CADPS2: variants seen among roughly 807,000 people sequenced by gnomAD.
CADPS2 encodes calcium-dependent secretion activator 2.
In CADPS2, 93 loss-of-function variants were observed where a neutral mutation model predicts 172.5. The observed-to-expected ratio is 0.54, with a 90% confidence interval of 0.46 to 0.64. The LOEUF (loss-of-function observed/expected upper bound fraction) is 0.64, where lower values mean the gene tolerates loss of function less well. CADPS2 is among the 30% of genes least tolerant of loss of function. The pLI, the probability that CADPS2 is intolerant of heterozygous loss-of-function variation, is 0.00. For missense variants in CADPS2, 1,420 were observed against 1,565.9 expected (o/e 0.91, Z 1.57); for synonymous variants, 546 against 555.2 (o/e 0.98, Z 0.23).
chr7:122,396,663 C>T (rs190708392), intron 20 of CADPS2, among the ~76,000 whole-genome samples: 98 of 152,278 alleles, frequency 6.4e-4, no homozygotes, highest in African/African-American at 2.2e-3. Context: ...TCAATATACA[C>T]CTGCTCCTCA....
At chr7:122,664,946 T>G (rs1317914760) in intron 2 of CADPS2, among the ~76,000 whole-genome samples, 1 of 141,610 alleles carries the variant, frequency 7.1e-6, no homozygotes, top group African/African-American at 2.6e-5. Context: ...CCATCATGCC[T>G]GGGCTAGTTT....
At chr7:122,725,820 G>A (rs759737594) in intron 2 of CADPS2, among the ~76,000 whole-genome samples, 2 of 151,626 alleles carry the variant, frequency 1.3e-5, no homozygotes, top group South Asian at 2.1e-4. Context: ...TACAAATGCC[G>A]GGAATATACT....
chr7:122,673,966 A>T (rs1420766404), intron 2 of CADPS2, among the ~76,000 whole-genome samples: 2 of 148,522 alleles, frequency 1.3e-5, no homozygotes, highest in South Asian at 2.1e-4. Flanking sequence ...CAGGTCCCCA[A>T]CCCTGAGCGG....
chr7:122,587,982 C>T (rs1364186732), intron 6 of CADPS2, among the ~76,000 whole-genome samples: 1 of 151,926 alleles, frequency 6.6e-6, no homozygotes, highest in African/African-American at 2.4e-5. Context: ...GAGCTTTTCT[C>T]ATGTTTGTTG....
At chr7:122,511,164 T>G (rs1056152992) in intron 9 of CADPS2, among the ~76,000 whole-genome samples, 1 of 152,158 alleles carries the variant, frequency 6.6e-6, no homozygotes, top group African/African-American at 2.4e-5. Context: ...AGATATCCCT[T>G]TTAAGATATA....
chr7:122,428,061 A>C (rs1472865188), intron 17 of CADPS2, among the ~76,000 whole-genome samples: 1 of 151,962 alleles, frequency 6.6e-6, no homozygotes, highest in Non-Finnish European at 1.5e-5. Context: ...ATTTTTGTTA[A>C]TATTTTTTAG....
intron 17 of CADPS2, among the ~76,000 whole-genome samples, chr7:122,429,665 C>T (rs1290086988): frequency 6.6e-6 from 1 of 152,098 alleles, no homozygotes; most frequent in African/African-American, 2.4e-5. Context: ...ATACAAATTA[C>T]TTTTTGCCAT....
At chr7:122,741,257 T>G (rs900487368) in intron 1 of CADPS2, among the ~76,000 whole-genome samples, 2 of 152,076 alleles carry the variant, frequency 1.3e-5, no homozygotes, top group Admixed American at 1.3e-4. Context: ...ACCACTCACA[T>G]AGAAAATGGA....
At position 122,380,743 on chromosome 7, in the gene CADPS2, G is replaced by A. The variant is rs529978759; in HGVS notation, c.3313-1301C>T. The stretch of plus-strand genomic sequence containing the variant: ...GTGATCTAAAATTAACCACACTGAT[G>A]TGAATGTGGAATTTTCTGGGCACAT... On this transcript the variant is annotated intron_variant, in intron 24 of 29. Transcript: ENST00000449022. Among the ~76,000 whole-genome samples the A allele has an allele frequency of 2.0e-5, 3 of 152,178 alleles. No homozygotes were observed. The South Asian group carries it at 6.2e-4, about 32-fold the overall frequency.
At chr7:122,397,675 C>G (rs1339507512) in intron 20 of CADPS2, among the ~76,000 whole-genome samples, 1 of 152,108 alleles carries the variant, frequency 6.6e-6, no homozygotes, top group Non-Finnish European at 1.5e-5. Flanking sequence ...TAATATGTAG[C>G]CTGAGGCATC....
chr7:122,840,891 T>C (rs1169295865), intron 1 of CADPS2, among the ~76,000 whole-genome samples: 1 of 152,098 alleles, frequency 6.6e-6, no homozygotes, highest in African/African-American at 2.4e-5. Context: ...GCCATGTACA[T>C]AATAAAAAAT....
intron 2 of CADPS2, among the ~76,000 whole-genome samples, chr7:122,691,433 A>G (rs143094724): frequency 7.4e-4 from 112 of 152,314 alleles, no homozygotes; most frequent in African/African-American, 2.7e-3. Context: ...TTGTGGTCAC[A>G]TGCACATTCA....
intron 6 of CADPS2, among the ~76,000 whole-genome samples, chr7:122,607,298 A>C (rs1483844846): frequency 6.6e-6 from 1 of 152,144 alleles, no homozygotes; most frequent in African/African-American, 2.4e-5. Flanking sequence ...ATAACCAGAA[A>C]AGGTATGGTA....
chr7:122,734,499 A>G (rs972595011), intron 2 of CADPS2, among the ~76,000 whole-genome samples: 4 of 150,668 alleles, frequency 2.7e-5, no homozygotes, highest in Admixed American at 6.6e-5. Flanking sequence ...TGTAAAGTGT[A>G]GGTAATAATA....
At chr7:122,754,485 T>C (rs544729741) in intron 1 of CADPS2, among the ~76,000 whole-genome samples, 3 of 152,160 alleles carry the variant, frequency 2.0e-5, no homozygotes, top group Non-Finnish European at 4.4e-5. Flanking sequence ...CTTTTTTCTT[T>C]TTTTCTTTTT....
At chr7:122,534,770 A>C (rs2062081180) in intron 8 of CADPS2, among the ~76,000 whole-genome samples, 1 of 152,130 alleles carries the variant, frequency 6.6e-6, no homozygotes, top group Admixed American at 6.6e-5. Context: ...TGCATTTTTA[A>C]TTCCTTTCAT....
rs73719721 is a variant in CADPS2 at position 122,616,382 on chromosome 7, T to A, written c.1105-1083A>T. On this transcript the variant is annotated intron_variant, in intron 5 of 29. Coordinates refer to ENST00000449022, the MANE Select transcript of CADPS2 (RefSeq NM_017954.11). ...TTTAGAGTCATGATAAGAATTTTGA[T>A]CCAAAAGGGCTCAAAAAACAAACCA... Among the ~76,000 whole-genome samples the A allele has an allele frequency of 8.4e-3, 1,275 of 152,172 alleles. 17 individuals are homozygous for A. Among genetic ancestry groups the A allele is most frequent in the African/African-American group, 0.029 (1,222 of 41,538 alleles).
Position 122,663,610 on chromosome 7 carries a change from C to A in CADPS2, c.454-41G>T. The A allele has an allele frequency of 6.1e-6, 9 of 1,467,128 alleles. No individual in the cohort carries two copies. The East Asian group carries it at 7.4e-5, about 12-fold the overall frequency. The allele number at this position is 1,467,128 out of a possible 1,614,324, so 90.9% of individuals were successfully genotyped here. A position where few individuals can be genotyped will look rare whatever the true frequency, so the allele number is the denominator to read the frequency against. On this transcript the variant is annotated intron_variant, in intron 2 of 29. Coordinates refer to ENST00000449022, the MANE Select transcript of CADPS2 (RefSeq NM_017954.11). ...AACAAAACAAAACAAAAAACAATTA[C>A]AATTAGGTGTAGATGCTAACACCAC...
rs878926709 is a variant in CADPS2, at chr7:122,698,242, A to C, written c.454-34673T>G. ...AAATGTGTTCTGAAGATCTGTTGTT[A>C]ATCGCTGCCATCTCCGGTTCTGAAT... On this transcript the variant is annotated intron_variant, in intron 2 of 29. Transcript: ENST00000449022. 1.9e-6 allele frequency: 3 copies of C among 1,614,026 alleles called. No homozygotes were observed. The South Asian group carries it at 3.3e-5, about 18-fold the overall frequency.
Sources: allele counts gnomAD v4.1 joint callset (sites outside exome capture counted in the v4.1 genomes callset), GRCh38; gene constraint gnomAD v4.1.1; transcripts MANE v1.5; gene names NCBI Gene and HGNC (gene_info 2026-07-23, HGNC 2026-07-21).